The following SOX5 variants were observed in gnomAD, a reference collection of about 807,000 sequenced individuals.
SOX5 encodes the protein transcription factor SOX-5.
SOX5 carries 9 observed loss-of-function variants against 92.0 expected under a neutral mutation model. That is an observed-to-expected ratio of 0.10 (90% confidence interval 0.06 to 0.17). The LOEUF (loss-of-function observed/expected upper bound fraction) is 0.17. SOX5 is among the 10% of genes least tolerant of loss of function. SOX5 has a pLI of 1.00. For synonymous variants in SOX5, 344 were observed against 336.3 expected, an observed-to-expected ratio of 1.02 and a Z score of -0.25; for missense variants, 642 against 944.5, an observed-to-expected ratio of 0.68 and a Z score of 4.20.
At chr12:24,504,341 A>G (rs1385970265) in intron 1 of SOX5, among the ~76,000 whole-genome samples, 1 of 152,214 alleles carries the variant, frequency 6.6e-6, no homozygotes, top group Non-Finnish European at 1.5e-5. Context: ...CTTGAAAATA[A>G]TGTCTTGTCT....
intron 4 of SOX5, among the ~76,000 whole-genome samples, chr12:24,085,626 A>G (rs1943894650): frequency 6.6e-6 from 1 of 152,118 alleles, no homozygotes; most frequent in Non-Finnish European, 1.5e-5. Context: ...ACACCTTAGA[A>G]ACTACTATTT....
intron 6 of SOX5, among the ~76,000 whole-genome samples, chr12:23,676,196 C>T (rs929335197): frequency 1.3e-5 from 2 of 151,832 alleles, no homozygotes; most frequent in Non-Finnish European, 2.9e-5. Context: ...TGAAAATTTG[C>T]TTAAAGAGTA....
At chr12:23,752,346 C>T (rs865943242) in intron 4 of SOX5, among the ~76,000 whole-genome samples, 4 of 151,810 alleles carry the variant, frequency 2.6e-5, no homozygotes, top group Non-Finnish European at 4.4e-5. Flanking sequence ...GAGAACCTCC[C>T]GTACACAGCT....
intron 1 of SOX5, among the ~76,000 whole-genome samples, chr12:24,421,182 A>G (rs1965851483): frequency 1.3e-5 from 2 of 152,214 alleles, no homozygotes. Context: ...TGTGATTAGC[A>G]TGGTATACAT....
At chr12:23,702,508 A>C (rs565781144) in intron 6 of SOX5, among the ~76,000 whole-genome samples, 65 of 152,170 alleles carry the variant, frequency 4.3e-4, no homozygotes, top group African/African-American at 1.3e-3. Context: ...TTTGACTGAA[A>C]ACAACACTTA....
chr12:24,088,878 A>C (rs902035608), intron 4 of SOX5, among the ~76,000 whole-genome samples: 1 of 152,110 alleles, frequency 6.6e-6, no homozygotes, highest in Admixed American at 6.6e-5. Context: ...TGCCTTCTTC[A>C]CTGGCCTTCT....
chr12:24,517,501 A>C (rs535325422), intron 1 of SOX5, among the ~76,000 whole-genome samples: 2 of 152,248 alleles, frequency 1.3e-5, no homozygotes, highest in Non-Finnish European at 2.9e-5. Context: ...ATATACAATC[A>C]TTGTAAGCAG....
At chr12:23,646,851 A>G (rs2080924481) in intron 7 of SOX5, among the ~76,000 whole-genome samples, 1 of 152,164 alleles carries the variant, frequency 6.6e-6, no homozygotes, top group Admixed American at 6.5e-5. Context: ...CACATCTGCA[A>G]TTATTTCCTC....
At chr12:24,153,976 C>T (rs1009751513) in intron 4 of SOX5, among the ~76,000 whole-genome samples, 2 of 152,112 alleles carry the variant, frequency 1.3e-5, no homozygotes, top group South Asian at 2.1e-4. Flanking sequence ...GAAGTAAATT[C>T]GGAGCTTGAG....
At chr12:23,846,251 C>G (rs1350650672) in intron 2 of SOX5, 58 bp from the exon 3 acceptor site, 2 of 1,289,670 alleles carry the variant, frequency 1.6e-6, no homozygotes, top group African/African-American at 2.9e-5. Flanking sequence ...AGCAAAAGGA[C>G]AAATAATTGT....
chr12:24,067,717 AGC>A (rs1265966992), intron 4 of SOX5, among the ~76,000 whole-genome samples: 40 of 152,340 alleles, frequency 2.6e-4, no homozygotes, highest in Non-Finnish European at 4.7e-4. Flanking sequence ...TTTCTTTGAT[AGC>A]TCTCAATACT....
intron 4 of SOX5, among the ~76,000 whole-genome samples, chr12:24,116,289 C>T (rs1947989095): frequency 6.6e-6 from 1 of 151,890 alleles, no homozygotes; most frequent in Admixed American, 6.6e-5. Context: ...ATTTTAAGTG[C>T]ATAAAACAAA....
intron 3 of SOX5, among the ~76,000 whole-genome samples, chr12:23,781,686 C>A (rs549469884): frequency 6.6e-6 from 1 of 152,138 alleles, no homozygotes; most frequent in South Asian, 2.1e-4. Context: ...CTCTCTCCCC[C>A]GCTTTTACCC....
intron 3 of SOX5, among the ~76,000 whole-genome samples, chr12:23,777,738 A>G (rs1399535942): frequency 1.3e-5 from 2 of 152,078 alleles, no homozygotes; most frequent in Non-Finnish European, 2.9e-5. Context: ...TCTAAATTCA[A>G]CTATGCTCAT....
At chr12:24,148,770 G>C (rs1227300139) in intron 4 of SOX5, among the ~76,000 whole-genome samples, 3 of 148,660 alleles carry the variant, frequency 2.0e-5, no homozygotes, top group East Asian at 4.1e-4. Flanking sequence ...CATACATATA[G>C]TCCCAGCTAC....
At chr12:24,498,669 C>T (rs1230200872) in intron 1 of SOX5, among the ~76,000 whole-genome samples, 1 of 152,144 alleles carries the variant, frequency 6.6e-6, no homozygotes, top group Admixed American at 6.5e-5. Flanking sequence ...TAATCCACTA[C>T]TCTAAAAGGA....
intron 4 of SOX5, among the ~76,000 whole-genome samples, chr12:24,058,795 A>C (rs1044470526): frequency 1.0e-4 from 14 of 137,870 alleles, no homozygotes; most frequent in Non-Finnish European, 3.3e-5. Context: ...GTTAGTAAGT[A>C]TATAAATAAA....
chr12:23,573,991 A>G (rs1948752530), intron 10 of SOX5, among the ~76,000 whole-genome samples: 1 of 151,680 alleles, frequency 6.6e-6, no homozygotes, highest in Non-Finnish European at 1.5e-5. Flanking sequence ...TAAATAATAT[A>G]TTAGTTATCT....
intron 1 of SOX5, among the ~76,000 whole-genome samples, chr12:24,388,323 T>C (rs1958630662): frequency 6.6e-6 from 1 of 152,118 alleles, no homozygotes; most frequent in African/African-American, 2.4e-5. Context: ...ATGGATCACA[T>C]CAAAAGACGC....
Sources: gnomAD v4.1 joint callset for allele counts (sites outside exome capture counted in the v4.1 genomes callset) on GRCh38, gnomAD v4.1.1 for gene constraint, MANE v1.5 for transcripts, NCBI Gene and HGNC (gene_info 2026-07-23, HGNC 2026-07-21) for gene names.